Variants in MZT2B observed in about 807,000 individuals in gnomAD.
The protein encoded by MZT2B is mitotic-spindle organizing protein 2B.
A neutral mutation model predicts 12.1 loss-of-function variants in MZT2B; 11 were observed. The observed-to-expected ratio is 0.91, with a 90% CI of 0.57 to 1.50. MZT2B has a LOEUF of 1.50. MZT2B is among the 40% of genes most tolerant of loss of function. The pLI, the probability that MZT2B is intolerant of heterozygous loss-of-function variation, is 0.00. For synonymous variants in MZT2B, 85 were observed against 109.5 expected (o/e 0.78, Z 1.40); for missense variants, 209 against 227.7 (o/e 0.92, Z 0.53).
chr2:130,197,731 C>T, the MZT2B span, among the ~76,000 whole-genome samples: 1 of 122,964 alleles, frequency 8.1e-6, no homozygotes, highest in East Asian at 2.7e-4. Flanking sequence ...CTCAGCCTCC[C>T]GAGTAGCTGG....
chr2:130,190,661 G>C lies in MZT2B; in HGVS notation c.*35G>C. 6.3e-7 allele frequency: 1 copy of C among 1,581,706 alleles called. No individual in the cohort carries two copies. The highest frequency in any genetic ancestry group is 1.1e-5 in the South Asian group (1 of 89,210). ...GAGACTTGTTGCATCTTTGTCCCCA[G>C]CAAAGGCTACATGTTACCTCCTTCA... On this transcript the variant is annotated 3_prime_UTR_variant, in exon 3 of 3. Coordinates refer to ENST00000281871, the MANE Select transcript of MZT2B (RefSeq NM_025029.5).
At chr2:130,183,058 C>G (rs1689846011) in intron 2 of MZT2B, 2 of 558,156 alleles carry the variant, frequency 3.6e-6, no homozygotes, top group Non-Finnish European at 6.2e-6. Flanking sequence ...AGGCCTTCAT[C>G]CTACAACGTC....
chr2:130,185,902 G>C (rs1187119658), intron 2 of MZT2B, among the ~76,000 whole-genome samples: 1 of 152,152 alleles, frequency 6.6e-6, no homozygotes, highest in East Asian at 1.9e-4. Flanking sequence ...CCTGTAGGCT[G>C]GGTGGCAGAA....
intron 1 of MZT2B, 39 bp downstream of exon 1, chr2:130,182,491 C>A: frequency 1.3e-6 from 2 of 1,539,450 alleles, no homozygotes; most frequent in Non-Finnish European, 1.8e-6. Context: ...TAGCCAGACA[C>A]CCCCCGACCT....
the MZT2B span, among the ~76,000 whole-genome samples, chr2:130,201,992 T>A: frequency 9.2e-5 from 14 of 152,252 alleles, no homozygotes; most frequent in African/African-American, 3.4e-4. Flanking sequence ...GACTGCAATA[T>A]TTATTTTTCT....
In MZT2B at chr2:130,183,096, G is replaced by A. The variant is rs189632251; in HGVS notation, c.319+321G>A. ...GAATCAAGACAGTTTGGGGCTGGGC[G>A]CCCTGGCTCACGCCTATAATCTTTG... On this transcript the variant is annotated intron_variant, in intron 2 of 2. Coordinates refer to ENST00000281871, the MANE Select transcript of MZT2B (RefSeq NM_025029.5). The A allele has an allele frequency of 6.5e-3, 3,224 of 494,692 alleles. 46 individuals are homozygous for A. The highest frequency in any genetic ancestry group is 0.041 in the Middle Eastern group (75 of 1,810). The allele number at this position is 494,692 out of a possible 1,614,324, so 30.6% of individuals were successfully genotyped here.
At chr2:130,185,255 G>A (rs1032267548) in intron 2 of MZT2B, among the ~76,000 whole-genome samples, 11 of 149,026 alleles carry the variant, frequency 7.4e-5, no homozygotes, top group African/African-American at 2.7e-4. Context: ...AGCTTACAGT[G>A]AGCCGAGATC....
chr2:130,183,099 C>G, intron 2 of MZT2B: 2 of 488,522 alleles, frequency 4.1e-6, no homozygotes, highest in Non-Finnish European at 3.6e-6. Flanking sequence ...GCTGGGCGCC[C>G]TGGCTCACGC....
At chr2:130,188,795 C>T (rs1216237896) in intron 2 of MZT2B, among the ~76,000 whole-genome samples, 18 of 152,118 alleles carry the variant, frequency 1.2e-4, no homozygotes, top group Non-Finnish European at 1.9e-4. Flanking sequence ...GGAGGTACCT[C>T]TGGAAGAGCG....
At chr2:130,194,679 T>A (rs2104751802), downstream of MZT2B, among the ~76,000 whole-genome samples, 1 of 152,174 alleles carries the variant, frequency 6.6e-6, no homozygotes, top group African/African-American at 2.4e-5. Flanking sequence ...CTGGTCTAAG[T>A]TTTTGCTTGT....
chr2:130,196,249 A>T, the MZT2B span: 3 of 1,614,000 alleles, frequency 1.9e-6, no homozygotes, highest in Non-Finnish European at 2.5e-6. Flanking sequence ...CCCCGCCACC[A>T]ATGGTTTTAT....
At chr2:130,182,562 G>A in intron 1 of MZT2B, 65 bp from the exon 2 acceptor site, 1 of 1,568,144 alleles carries the variant, frequency 6.4e-7, no homozygotes, top group Non-Finnish European at 8.6e-7. Context: ...GTCCTTGTCG[G>A]GTCTTCAGGG....
At chr2:130,202,531 G>A in the MZT2B span, 1 of 1,156,376 alleles carries the variant, frequency 8.6e-7, no homozygotes, top group South Asian at 1.4e-5. Context: ...GACCTCCTTG[G>A]GACTCCCACT....
At chr2:130,204,237 A>G in the MZT2B span, 1 of 1,032,092 alleles carries the variant, frequency 9.7e-7, no homozygotes, top group Non-Finnish European at 1.3e-6. Context: ...ATCAGCAGCA[A>G]AAGCTGGCCC....
chr2:130,184,419 A>G (rs1179933480), intron 2 of MZT2B: 21 of 985,406 alleles, frequency 2.1e-5, no homozygotes, highest in South Asian at 1.9e-4. Context: ...CAGATGCCAT[A>G]TGCTGGCCCC....
At chr2:130,186,145 G>C (rs1206855721) in intron 2 of MZT2B, among the ~76,000 whole-genome samples, 1 of 152,002 alleles carries the variant, frequency 6.6e-6, no homozygotes, top group African/African-American at 2.4e-5. Context: ...ACATAAGGGG[G>C]GTTGTTGGAG....
At chr2:130,182,588 G>A in intron 1 of MZT2B, 39 bp from the exon 2 acceptor site, 3 of 1,559,066 alleles carry the variant, frequency 1.9e-6, no homozygotes, top group Non-Finnish European at 2.6e-6. Flanking sequence ...GCCGCGCCGG[G>A]CGGAGAGGGC....
upstream of MZT2B, chr2:130,181,855 C>G (rs776787414): frequency 6.5e-7 from 1 of 1,534,474 alleles, no homozygotes; most frequent in African/African-American, 1.4e-5. Context: ...TGATTAGTGC[C>G]CCCCCCTTCC....
chr2:130,193,362 A>G (rs1252765419), downstream of MZT2B, among the ~76,000 whole-genome samples: 1 of 151,770 alleles, frequency 6.6e-6, no homozygotes, highest in Non-Finnish European at 1.5e-5. Flanking sequence ...TAATCCCAGC[A>G]CTTTGGGAGG....
Sources: allele counts gnomAD v4.1 joint callset (sites outside exome capture counted in the v4.1 genomes callset), GRCh38; gene constraint gnomAD v4.1.1; transcripts MANE v1.5; gene names NCBI Gene and HGNC (gene_info 2026-07-23, HGNC 2026-07-21).